The following SIPA1L3 variants were observed in gnomAD, a reference collection of about 807,000 sequenced individuals.
The protein encoded by SIPA1L3 is signal induced proliferation associated 1 like 3, also known as signal-induced proliferation-associated 1-like protein 3.
A neutral mutation model predicts 150.1 loss-of-function variants in SIPA1L3; 59 were observed. The ratio of observed to expected loss-of-function variants is 0.39; its 90% CI spans 0.32 to 0.49. The LOEUF is 0.49. SIPA1L3 is among the 20% of genes least tolerant of loss of function. The probability of loss-of-function intolerance (pLI) is 0.86; values close to 1 mark genes in which losing one functional copy is unlikely to be tolerated. For synonymous variants in SIPA1L3, 1,070 were observed against 1,077.6 expected (o/e 0.99, Z 0.14); for missense variants, 2,211 against 2,489.5 (o/e 0.89, Z 2.38).
chr19:38,080,614 G>T (rs1969953939), intron 2 of SIPA1L3, among the ~76,000 whole-genome samples: 1 of 151,574 alleles, frequency 6.6e-6, no homozygotes, highest in Admixed American at 6.6e-5. Context: ...ATGTTACTGT[G>T]ATTTTTTTTT....
At chr19:38,100,175 G>T (rs1297692627) in intron 5 of SIPA1L3, 25 bp downstream of exon 5, 5 of 1,515,204 alleles carry the variant, frequency 3.3e-6, no homozygotes, top group Non-Finnish European at 4.4e-6. Flanking sequence ...GGAGGTGGGG[G>T]TGCTGCTGGG....
intron 3 of SIPA1L3, among the ~76,000 whole-genome samples, chr19:38,083,912 G>A (rs1970065322): frequency 6.6e-6 from 1 of 150,432 alleles, no homozygotes; most frequent in Non-Finnish European, 1.5e-5. Context: ...AGAATCGCTT[G>A]AACCCAGGAG....
In SIPA1L3 at chr19:38,142,479, G is replaced by A. The variant is rs182753723; in HGVS notation, c.3396-94G>A. 1.4e-4 allele frequency: 196 copies of A among 1,391,940 alleles called. 2 individuals carry two copies. In the African/African-American group the frequency reaches 1.5e-3, roughly 11 times the overall value. The allele number at this position is 1,391,940 out of a possible 1,614,324, so 86.2% of individuals were successfully genotyped here. On this transcript the variant is annotated intron_variant, in intron 11 of 21. Coordinates refer to ENST00000222345, the MANE Select transcript of SIPA1L3 (RefSeq NM_015073.3). ...GTTCGGTTGGTCTGTCTGTCTGTCC[G>A]TCTGTCCATCCATCTGTCTGTCCGT...
At chr19:38,168,432 C>A (rs946918032) in intron 15 of SIPA1L3, among the ~76,000 whole-genome samples, 1 of 151,792 alleles carries the variant, frequency 6.6e-6, no homozygotes, top group Non-Finnish European at 1.5e-5. Flanking sequence ...ACATTGCACT[C>A]CAGCCTGGGT....
At position 38,142,445 on chromosome 19, in the gene SIPA1L3, C is replaced by T. The variant is rs925579014; in HGVS notation, c.3396-128C>T. On this transcript the variant is annotated intron_variant, in intron 11 of 21. Coordinates refer to ENST00000222345, the MANE Select transcript of SIPA1L3 (RefSeq NM_015073.3). ...GAATAGCAGAAGGGATGTGGCTGGG[C>T]GGGGGAAAGTTCGGTTGGTCTGTCT... 27 of 1,023,304 alleles carry T rather than the reference C, an allele frequency of 2.6e-5. No homozygotes were observed. In the East Asian group the frequency reaches 2.8e-4, roughly 10 times the overall value. 63.4% of individuals were successfully genotyped at this position (1,023,304 alleles called of 1,614,324 possible). A position where few individuals can be genotyped will look rare whatever the true frequency, so the allele number is the denominator to read the frequency against.
chr19:37,965,115 A>G (rs1599846845), intron 1 of SIPA1L3, among the ~76,000 whole-genome samples: 2 of 152,326 alleles, frequency 1.3e-5, no homozygotes, highest in Admixed American at 1.3e-4. Flanking sequence ...TGGCCATCCC[A>G]TGGATAGTTT....
chr19:38,107,322 T>G (rs1970644971), intron 7 of SIPA1L3, among the ~76,000 whole-genome samples: 1 of 152,200 alleles, frequency 6.6e-6, no homozygotes, highest in South Asian at 2.1e-4. Context: ...CCGAGGCTCA[T>G]GCCCAACCCT....
intron 1 of SIPA1L3, among the ~76,000 whole-genome samples, chr19:37,990,259 G>A (rs1212987756): frequency 6.6e-6 from 1 of 152,156 alleles, no homozygotes; most frequent in African/African-American, 2.4e-5. Context: ...AGGGACAGAG[G>A]CATCTTTTTG....
intron 1 of SIPA1L3, among the ~76,000 whole-genome samples, chr19:37,968,721 C>T (rs1175449966): frequency 2.0e-5 from 3 of 152,196 alleles, no homozygotes; most frequent in African/African-American, 4.8e-5. Context: ...ATTGGTTGTC[C>T]TCTGATAGTT....
chr19:38,197,127 C>G (rs912674344), intron 18 of SIPA1L3, among the ~76,000 whole-genome samples: 3 of 152,100 alleles, frequency 2.0e-5, no homozygotes, highest in African/African-American at 7.2e-5. Context: ...CATGTCACCC[C>G]CCGCCTCCGC....
In SIPA1L3 at chr19:38,065,911, T is replaced by TTATC. The variant is rs1301920296; in HGVS notation, c.-310-15341_-310-15338dup. Among the ~76,000 whole-genome samples the TTATC allele has an allele frequency of 5.5e-3, 583 of 106,698 alleles. 6 individuals are homozygous for TTATC. Among genetic ancestry groups the TTATC allele is most frequent in the Middle Eastern group, 0.013 (3 of 232 alleles). 70.0% of individuals were successfully genotyped at this position (106,698 alleles called of 152,430 possible). On this transcript the variant is annotated intron_variant, in intron 2 of 21. Transcript: ENST00000222345. ...TGCCCGGGTTTGATCTCTTATTTAT[T>TTATC]TATCTATTTATTTATTTATTTATTT...
intron 1 of SIPA1L3, among the ~76,000 whole-genome samples, chr19:37,914,124 T>C (rs577730724): frequency 6.6e-5 from 10 of 151,318 alleles, no homozygotes; most frequent in Middle Eastern, 6.9e-3. Flanking sequence ...AAATGGCTGA[T>C]GGGGCAAGAT....
At chr19:38,099,019 T>C (rs1358500690) in intron 4 of SIPA1L3, among the ~76,000 whole-genome samples, 1 of 152,064 alleles carries the variant, frequency 6.6e-6, no homozygotes, top group Non-Finnish European at 1.5e-5. Flanking sequence ...CTCCTTTCTT[T>C]TCTTCTCTTC....
intron 8 of SIPA1L3, among the ~76,000 whole-genome samples, chr19:38,114,476 A>G (rs909850894): frequency 1.3e-5 from 2 of 152,094 alleles, no homozygotes; most frequent in South Asian, 4.2e-4. Flanking sequence ...GTAAAGTGCA[A>G]TCTGACAATC....
At chr19:37,976,397 G>A (rs1043917986) in intron 1 of SIPA1L3, among the ~76,000 whole-genome samples, 1 of 152,140 alleles carries the variant, frequency 6.6e-6, no homozygotes, top group African/African-American at 2.4e-5. Context: ...CCCCCGCACT[G>A]CAGCACTGGG....
intron 9 of SIPA1L3, 150 bp downstream of exon 9, chr19:38,120,032 T>C: frequency 3.3e-6 from 2 of 608,602 alleles, no homozygotes; most frequent in Non-Finnish European, 5.7e-6. Flanking sequence ...AGACATCTTG[T>C]GGGTTCTGTA....
chr19:37,920,127 A>G (rs930139264), intron 1 of SIPA1L3, among the ~76,000 whole-genome samples: 6 of 149,940 alleles, frequency 4.0e-5, no homozygotes, highest in Admixed American at 6.7e-5. Context: ...TGGCATGATC[A>G]TAGCTCCCTG....
At chr19:38,035,860 A>C (rs1397507107) in intron 2 of SIPA1L3, among the ~76,000 whole-genome samples, 1 of 152,150 alleles carries the variant, frequency 6.6e-6, no homozygotes, top group African/African-American at 2.4e-5. Flanking sequence ...ACAGCCTATA[A>C]GATAATAAGC....
intron 1 of SIPA1L3, among the ~76,000 whole-genome samples, chr19:37,976,996 G>A (rs1435108892): frequency 6.6e-6 from 1 of 151,828 alleles, no homozygotes; most frequent in Non-Finnish European, 1.5e-5. Flanking sequence ...CACCATCCCC[G>A]GCTAATTTTT....
Sources: allele counts gnomAD v4.1 joint callset (sites outside exome capture counted in the v4.1 genomes callset), GRCh38; gene constraint gnomAD v4.1.1; transcripts MANE v1.5; gene names NCBI Gene and HGNC (gene_info 2026-07-23, HGNC 2026-07-21).